The following SHH variants were observed in gnomAD, a reference collection of about 807,000 sequenced individuals.
SHH encodes sonic hedgehog protein.
SHH carries 3 observed loss-of-function variants against 16.6 expected under a neutral mutation model. The observed-to-expected ratio is 0.18, with a 90% confidence interval of 0.08 to 0.47. SHH has a LOEUF of 0.47. Among genes scored for constraint, SHH ranks in the 20% least tolerant of loss-of-function variants. The pLI is 0.98. For missense variants in SHH, 499 were observed against 665.0 expected, an observed-to-expected ratio of 0.75 and a Z score of 2.75; for synonymous variants, 351 against 316.2, an observed-to-expected ratio of 1.11 and a Z score of -1.17.
chr7:155,802,111 GAA>G lies in SHH; in HGVS notation c.*787_*788del, dbSNP rs1323086713. The G allele has an allele frequency of 8.6e-6, 1 of 115,840 alleles. No homozygotes were observed. Among genetic ancestry groups the G allele is most frequent in the African/African-American group, 3.3e-5 (1 of 30,538 alleles). The allele number at this position is 115,840 out of a possible 1,614,324, so 7.2% of individuals were successfully genotyped here. A position where few individuals can be genotyped will look rare whatever the true frequency, so the allele number is the denominator to read the frequency against. The stretch of plus-strand genomic sequence containing the variant: ...AAAAAAAAAAAAAAAGAAAAGAAAA[GAA>G]AAAGAAAAGTGTGTGTGTATGTTGT... On this transcript the variant is annotated 3_prime_UTR_variant, in exon 3 of 3. Coordinates refer to ENST00000297261, the MANE Select transcript of SHH (RefSeq NM_000193.4).
At position 155,803,617 on chromosome 7, in the gene SHH, C is replaced by G; in HGVS notation, c.672G>C (p.Val224=). Residue 224 remains valine, a synonymous_variant, in exon 3 of 3, where the codon GTG becomes GTC. Transcript: ENST00000297261. ...LVKDLSPGDR[V]LAADDQGRLL... The stretch of plus-strand genomic sequence containing the variant: ...GCCGGCCCTGGTCGTCCGCCGCCAG[C>G]ACGCGGTCCCCGGGGCTCAGGTCCT... 1 of 1,598,508 alleles carries G rather than the reference C, an allele frequency of 6.3e-7. No homozygotes were observed. Among genetic ancestry groups the G allele is most frequent in the South Asian group, 1.1e-5 (1 of 90,882 alleles).
rs1254894267 is a variant in SHH, at chr7:155,803,315, C to T, written c.974G>A (p.Arg325His). 2.7e-6 allele frequency: 4 copies of T among 1,476,136 alleles called. No individual in the cohort carries two copies. The highest frequency in any genetic ancestry group is 2.9e-5 in the East Asian group (1 of 34,334). The allele number at this position is 1,476,136 out of a possible 1,614,324, so 91.4% of individuals were successfully genotyped here. A position where few individuals can be genotyped will look rare whatever the true frequency, so the allele number is the denominator to read the frequency against. ...VYVVAERDGD[R>H]RLLPAAVHSV... ...GTGCACAGCGGCGGGCAGGAGCCGG[C>T]GGTCCCCGTCACGCTCGGCCACCAC... is the stretch of plus-strand genomic sequence containing the variant. The change falls in exon 3 of 3, where the codon CGC (arginine) becomes CAC (histidine). Residue 325 changes from arginine (R) to histidine (H), a missense_variant. Physicochemically the swap from Arg to His is conservative, Grantham distance 29 (BLOSUM62 0). Transcript: ENST00000297261.
chr7:155,800,238 T>C lies in SHH; in HGVS notation c.*2662A>G. On this transcript the variant is annotated 3_prime_UTR_variant, in exon 3 of 3. Coordinates refer to ENST00000297261, the MANE Select transcript of SHH (RefSeq NM_000193.4). ...TAGTGTCTCTAAGCAGTGGTTTCCT[T>C]TCCTTGCCTGTGAAAAAGAGAATTT... The C allele has an allele frequency of 2.1e-6, 1 of 470,448 alleles. No homozygotes were observed. The highest frequency in any genetic ancestry group is 1.6e-5 in the South Asian group (1 of 64,510). The allele number at this position is 470,448 out of a possible 1,614,324, so 29.1% of individuals were successfully genotyped here. A position where few individuals can be genotyped will look rare whatever the true frequency, so the allele number is the denominator to read the frequency against.
chr7:155,803,389 C>T lies in SHH; in HGVS notation c.900G>A (p.Gly300=). ...CGCGGCTGGCGAACAGCGCCCGAGG[C>T]CCCAGTGCGCCCCCGGAAGGCGGCC... ...GSGPPSGGAL[G]PRALFASRVR... The change falls in exon 3 of 3, where the codon GGG becomes GGA. Residue 300 remains glycine, a synonymous_variant. Coordinates refer to ENST00000297261, the MANE Select transcript of SHH (RefSeq NM_000193.4). The T allele has an allele frequency of 1.3e-6, 2 of 1,500,610 alleles. No homozygotes were observed. Among genetic ancestry groups the T allele is most frequent in the Non-Finnish European group, 1.8e-6 (2 of 1,134,066 alleles). 93.0% of individuals were successfully genotyped at this position (1,500,610 alleles called of 1,614,324 possible).
chr7:155,804,537 C>T (rs1458306653), intron 2 of SHH, among the ~76,000 whole-genome samples: 3 of 151,784 alleles, frequency 2.0e-5, no homozygotes, highest in Non-Finnish European at 4.4e-5. Flanking sequence ...GCCTCCCCCT[C>T]CCTATTTGCT....
Position 155,801,013 on chromosome 7 carries a change from TA to T in SHH, c.*1886del. ...CACAAAGCATGGCAGACACCTTCCG[TA>T]AGCCAAAGAACTGGGAGTAGTCCTC... is the stretch of plus-strand genomic sequence containing the variant. On this transcript the variant is annotated 3_prime_UTR_variant, in exon 3 of 3. Coordinates refer to ENST00000297261, the MANE Select transcript of SHH (RefSeq NM_000193.4). The T allele has an allele frequency of 5.5e-6, 1 of 180,332 alleles. No homozygotes were observed. Among genetic ancestry groups the T allele is most frequent in the African/African-American group, 2.4e-5 (1 of 42,520 alleles). The allele number at this position is 180,332 out of a possible 1,614,324, so 11.2% of individuals were successfully genotyped here.
At chr7:155,808,304 AC>A (rs1200437157) in intron 1 of SHH, among the ~76,000 whole-genome samples, 2 of 152,226 alleles carry the variant, frequency 1.3e-5, no homozygotes, top group Non-Finnish European at 2.9e-5. Flanking sequence ...CACACCACCA[AC>A]ACGCACAGGG....
chr7:155,806,859 T>G, intron 1 of SHH: 1 of 513,216 alleles, frequency 1.9e-6, no homozygotes, highest in Non-Finnish European at 3.7e-6. Flanking sequence ...AAATAAAGTT[T>G]CTCTGAAACA....
chr7:155,806,571 G>A lies in SHH; in HGVS notation c.301-14C>T. On this transcript the variant is annotated splice_polypyrimidine_tract_variant and intron_variant, in intron 1 of 2. Transcript: ENST00000297261. Reference sequence around the variant, plus strand: ...GTCCTTACACCTCTGCGAAGACAAGGGGACCCCCACCGACGGACACGTTAG... The same window carrying A: ...GTCCTTACACCTCTGCGAAGACAAGAGGACCCCCACCGACGGACACGTTAG... The A allele has an allele frequency of 3.7e-6, 6 of 1,610,296 alleles. No homozygotes were observed. The highest frequency in any genetic ancestry group is 5.1e-6 in the Non-Finnish European group (6 of 1,180,004).
rs1049677301 is a variant in SHH, at chr7:155,800,150, T to A, written c.*2750A>T. The A allele has an allele frequency of 6.4e-6, 3 of 471,572 alleles. No individual in the cohort carries two copies. The highest frequency in any genetic ancestry group is 1.3e-5 in the Non-Finnish European group (3 of 227,154). 29.2% of individuals were successfully genotyped at this position (471,572 alleles called of 1,614,324 possible). A position where few individuals can be genotyped will look rare whatever the true frequency, so the allele number is the denominator to read the frequency against. On this transcript the variant is annotated 3_prime_UTR_variant, in exon 3 of 3. Coordinates refer to ENST00000297261, the MANE Select transcript of SHH (RefSeq NM_000193.4). ...CACAAACTCTTGGCTCCGTCAACCC[T>A]GAATGAGAAGTCGGCGCCTCGTCCT... is the stretch of plus-strand genomic sequence containing the variant.
At position 155,803,004 on chromosome 7, in the gene SHH, TGGCCC is replaced by T; in HGVS notation, c.1280_1284del (p.Gly427AspfsTer69). The T allele has an allele frequency of 1.3e-6, 2 of 1,546,664 alleles. No individual in the cohort carries two copies. The highest frequency in any genetic ancestry group is 1.9e-5 in the Admixed American group (1 of 53,000). On this transcript the variant is annotated frameshift_variant, in exon 3 of 3. Transcript: ENST00000297261. LOFTEE classifies it low-confidence loss of function (END_TRUNC). ...TGCGAGTACCAGTGGATGCCCGCGG[TGGCCC>T]CCGCACCCGGAGCGTCGGCAGCACC... is the stretch of plus-strand genomic sequence containing the variant.
chr7:155,802,841 G>A lies in SHH; in HGVS notation c.*59C>T. 1 of 974,280 alleles carries A rather than the reference G, an allele frequency of 1.0e-6. No individual in the cohort carries two copies. Among genetic ancestry groups the A allele is most frequent in the Non-Finnish European group, 1.4e-6 (1 of 709,442 alleles). 60.4% of individuals were successfully genotyped at this position (974,280 alleles called of 1,614,324 possible). On this transcript the variant is annotated 3_prime_UTR_variant, in exon 3 of 3. Transcript: ENST00000297261. ...CCTTTTCCGAGTGTCTTTTTGCTTT[G>A]CGTTGCTGTTGCTGCCCCGCCCCGC...
chr7:155,800,142 G>T lies in SHH; in HGVS notation c.*2758C>A. 1 of 471,598 alleles carries T rather than the reference G, an allele frequency of 2.1e-6. No homozygotes were observed. Among genetic ancestry groups the T allele is most frequent in the Non-Finnish European group, 4.4e-6 (1 of 227,164 alleles). The allele number at this position is 471,598 out of a possible 1,614,324, so 29.2% of individuals were successfully genotyped here. On this transcript the variant is annotated 3_prime_UTR_variant, in exon 3 of 3. Transcript: ENST00000297261. The stretch of plus-strand genomic sequence containing the variant: ...ACATTTTGCACAAACTCTTGGCTCC[G>T]TCAACCCTGAATGAGAAGTCGGCGC...
At chr7:155,803,771 T>A (rs1430810790) in intron 2 of SHH, 45 bp from the exon 3 acceptor site, 1 of 1,515,066 alleles carries the variant, frequency 6.6e-7, no homozygotes, top group Non-Finnish European at 9.0e-7. Flanking sequence ...GGGCATTGAG[T>A]TCCGAGAGGG....
In SHH at chr7:155,800,448, C is replaced by A. The variant is rs1346654316; in HGVS notation, c.*2452G>T. On this transcript the variant is annotated 3_prime_UTR_variant, in exon 3 of 3. Transcript: ENST00000297261. Reference sequence around the variant, plus strand: ...AGTCACCAGCAGAGTTGCACCATGGCCTCAGGCACCTTGGGGCTTGGTCAA... The same window carrying A: ...AGTCACCAGCAGAGTTGCACCATGGACTCAGGCACCTTGGGGCTTGGTCAA... The A allele has an allele frequency of 7.1e-6, 3 of 423,776 alleles. No individual in the cohort carries two copies. In the East Asian group the frequency reaches 2.1e-4, roughly 30 times the overall value. 26.3% of individuals were successfully genotyped at this position (423,776 alleles called of 1,614,324 possible).
At position 155,812,295 on chromosome 7, in the gene SHH, T is replaced by G; in HGVS notation, c.-173A>C. ...TCGCTCTTTCTCTTCCTATATAACC[T>G]TGCCCGCCGCGGCTGCGGGGGACTC... On this transcript the variant is annotated 5_prime_UTR_variant, in exon 1 of 3. Transcript: ENST00000297261. 3.0e-6 allele frequency: 2 copies of G among 663,180 alleles called. No homozygotes were observed. Among genetic ancestry groups the G allele is most frequent in the Non-Finnish European group, 5.4e-6 (2 of 372,896 alleles). 41.1% of individuals were successfully genotyped at this position (663,180 alleles called of 1,614,324 possible). A position where few individuals can be genotyped will look rare whatever the true frequency, so the allele number is the denominator to read the frequency against.
rs553827159 is a variant in SHH at position 155,812,313 on chromosome 7, G to A, written c.-191C>T. The A allele has an allele frequency of 5.8e-5, 37 of 638,096 alleles. No homozygotes were observed. In the African/African-American group the frequency reaches 6.3e-4, roughly 11 times the overall value. 39.5% of individuals were successfully genotyped at this position (638,096 alleles called of 1,614,324 possible). On this transcript the variant is annotated 5_prime_UTR_variant, in exon 1 of 3. Coordinates refer to ENST00000297261, the MANE Select transcript of SHH (RefSeq NM_000193.4). ...TATAACCTTGCCCGCCGCGGCTGCG[G>A]GGGACTCTCCACCGCTCCCCACCCA...
chr7:155,802,773 T>TTTA lies in SHH; in HGVS notation c.*124_*126dup, dbSNP rs1006090406. ...TAGAGTCTACTTTGGACTGTCCTACTTTATTATTCTTATTCTTATTATAAC... is the reference window on the plus strand; with the variant it reads ...TAGAGTCTACTTTGGACTGTCCTACTTTATTATTATTCTTATTCTTATTATAAC... On this transcript the variant is annotated 3_prime_UTR_variant, in exon 3 of 3. Transcript: ENST00000297261. The TTTA allele has an allele frequency of 1.2e-4, 60 of 510,140 alleles. No individual in the cohort carries two copies. Among genetic ancestry groups the TTTA allele is most frequent in the African/African-American group, 9.7e-4 (43 of 44,518 alleles). 31.6% of individuals were successfully genotyped at this position (510,140 alleles called of 1,614,324 possible).
intron 1 of SHH, among the ~76,000 whole-genome samples, chr7:155,811,029 T>C (rs780842931): frequency 3.9e-5 from 6 of 152,226 alleles, no homozygotes; most frequent in Non-Finnish European, 7.3e-5. Flanking sequence ...TCTTAATTCT[T>C]ATGCAAGCAG....
Sources: gnomAD v4.1 joint callset for allele counts (sites outside exome capture counted in the v4.1 genomes callset) on GRCh38, gnomAD v4.1.1 for gene constraint, MANE v1.5 for transcripts, NCBI Gene and HGNC (gene_info 2026-07-23, HGNC 2026-07-21) for gene names.